KCNAB2: variants seen among roughly 807,000 people sequenced by gnomAD.
KCNAB2 encodes the protein potassium voltage-gated channel subfamily A regulatory beta subunit 2, also known as voltage-gated potassium channel subunit beta-2.
In KCNAB2, 29 loss-of-function variants were observed where a neutral mutation model predicts 63.6. The ratio of observed to expected loss-of-function variants is 0.46; its 90% confidence interval spans 0.34 to 0.62. The LOEUF (loss-of-function observed/expected upper bound fraction) is 0.62. KCNAB2 is among the 20% of genes least tolerant of loss of function. KCNAB2 has a pLI of 0.01. For missense variants in KCNAB2, 359 were observed against 563.9 expected (o/e 0.64, Z 3.68); for synonymous variants, 222 against 224.2 (o/e 0.99, Z 0.09).
At chr1:6,094,261 A>AG (rs1226480502) in intron 10 of KCNAB2, 139 bp from the exon 11 acceptor site, 1 of 622,718 alleles carries the variant, frequency 1.6e-6, no homozygotes, top group African/African-American at 1.8e-5. Context: ...CTTCAGAGCC[A>AG]GGAAGTACAC....
intron 2 of KCNAB2, among the ~76,000 whole-genome samples, chr1:6,052,795 C>G (rs1408925903): frequency 6.6e-6 from 1 of 151,576 alleles, no homozygotes; most frequent in Non-Finnish European, 1.5e-5. Flanking sequence ...TTCAGATAAA[C>G]GCGTAACTTT....
At chr1:6,052,709 T>G (rs1303799682) in intron 2 of KCNAB2, among the ~76,000 whole-genome samples, 1 of 152,208 alleles carries the variant, frequency 6.6e-6, no homozygotes, top group Non-Finnish European at 1.5e-5. Flanking sequence ...CTCAGGAACA[T>G]GCCCTTGTGA....
intron 1 of KCNAB2, among the ~76,000 whole-genome samples, chr1:6,014,247 A>T (rs527763670): frequency 6.6e-6 from 1 of 152,156 alleles, no homozygotes; most frequent in South Asian, 2.1e-4. Context: ...CACTTCCTGG[A>T]TGTCCCTGGA....
At chr1:6,091,226 C>T in intron 9 of KCNAB2, 37 bp from the exon 10 acceptor site, 1 of 1,477,748 alleles carries the variant, frequency 6.8e-7, no homozygotes, top group Non-Finnish European at 9.1e-7. Flanking sequence ...TCCCAGCTAT[C>T]AACTCTGGTC....
At chr1:6,082,744 G>C (rs1331987239) in intron 5 of KCNAB2, among the ~76,000 whole-genome samples, 1 of 152,174 alleles carries the variant, frequency 6.6e-6, no homozygotes, top group African/African-American at 2.4e-5. Context: ...CTTCAGCCAG[G>C]CTGTTGGCTT....
intron 9 of KCNAB2, 94 bp from the exon 10 acceptor site, chr1:6,091,169 A>AT: frequency 2.3e-6 from 2 of 880,004 alleles, no homozygotes; most frequent in Non-Finnish European, 3.6e-6. Context: ...CTGCACGGTG[A>AT]TTTGTGCCTC....
At chr1:6,055,353 C>CTTTTT (rs543532983) in intron 2 of KCNAB2, among the ~76,000 whole-genome samples, 4 of 109,742 alleles carry the variant, frequency 3.6e-5, no homozygotes, top group African/African-American at 6.8e-5. Flanking sequence ...AAGACAAACG[C>CTTTTT]TTTTTTTTTT....
At chr1:6,000,206 C>A (rs1657172439) in intron 1 of KCNAB2, among the ~76,000 whole-genome samples, 1 of 152,160 alleles carries the variant, frequency 6.6e-6, no homozygotes, top group Admixed American at 6.6e-5. Flanking sequence ...ATTGCCTTTC[C>A]ATGGAAATGA....
At chr1:6,095,728 C>A in intron 13 of KCNAB2, 104 bp downstream of exon 13, 1 of 1,083,452 alleles carries the variant, frequency 9.2e-7, no homozygotes, top group Non-Finnish European at 1.4e-6. Flanking sequence ...GTTCCGGGAG[C>A]TGCAGCTGTT....
chr1:6,053,527 G>A (rs1269998471), intron 2 of KCNAB2, among the ~76,000 whole-genome samples: 1 of 152,196 alleles, frequency 6.6e-6, no homozygotes, highest in Non-Finnish European at 1.5e-5. Flanking sequence ...ATCTGAAGAT[G>A]TGGAGAACAT....
At chr1:6,030,089 C>G (rs570525109), upstream of KCNAB2, among the ~76,000 whole-genome samples, 13 of 152,352 alleles carry the variant, frequency 8.5e-5, no homozygotes, top group South Asian at 6.2e-4. Context: ...ACTTATAATT[C>G]AATGTTTATA....
chr1:6,055,245 G>C (rs111750475), intron 2 of KCNAB2, among the ~76,000 whole-genome samples: 8 of 152,144 alleles, frequency 5.3e-5, no homozygotes, highest in African/African-American at 1.9e-4. Flanking sequence ...CTGAAGCCCC[G>C]AGGAAAATGC....
chr1:6,052,105 C>A (rs1196360120), intron 2 of KCNAB2, among the ~76,000 whole-genome samples: 2 of 151,230 alleles, frequency 1.3e-5, no homozygotes, highest in Non-Finnish European at 2.9e-5. Context: ...ACTGTCTCAA[C>A]AACAACAACA....
At position 6,051,698 on chromosome 1, in the gene KCNAB2, C is replaced by T. The variant is rs781715334; in HGVS notation, c.162C>T (p.Arg54=). 1.4e-5 allele frequency: 22 copies of T among 1,533,700 alleles called. No individual in the cohort carries two copies. The highest frequency in any genetic ancestry group is 3.6e-5 in the South Asian group (3 of 83,976). ...CCAGGAACATGGAGAGCTTCCTCCGCATGCACGGCCTTTCCCTGGACGGCT... is the reference window on the plus strand; with the variant it reads ...CCAGGAACATGGAGAGCTTCCTCCGTATGCACGGCCTTTCCCTGGACGGCT... ...AQARNMESFL[R]MHGLSLDGCT... The change falls in exon 2 of 16, where the codon CGC becomes CGT. Residue 54 remains arginine (R), a synonymous_variant. Coordinates refer to ENST00000378083, the MANE Select transcript of KCNAB2 (RefSeq NM_001199862.2).
chr1:6,010,873 C>A (rs770270301), intron 1 of KCNAB2, among the ~76,000 whole-genome samples: 1 of 152,216 alleles, frequency 6.6e-6, no homozygotes, highest in Non-Finnish European at 1.5e-5. Context: ...ATCGTGGAAG[C>A]GGCGAATGAG....
chr1:6,041,558 G>A (rs558307381), upstream of KCNAB2: 10 of 499,312 alleles, frequency 2.0e-5, no homozygotes, highest in Admixed American at 1.0e-4. Flanking sequence ...GGTTCACCAC[G>A]GAAAACAGGG....
upstream of KCNAB2, among the ~76,000 whole-genome samples, chr1:6,043,759 C>A (rs544280362): frequency 3.3e-5 from 5 of 152,370 alleles, no homozygotes; most frequent in East Asian, 9.6e-4. Flanking sequence ...AAGGCATGTG[C>A]CCTGCCCCCA....
Position 6,020,559 on chromosome 1 carries a change from C to T in KCNAB2, c.-52-19958C>T, listed in dbSNP as rs557280007. ...ACCCTCCTGGACTCGGGTTATGGAC[C>T]GCCACAGGCCACCCCAGCTGGAAGA... On this transcript the variant is annotated intron_variant, in intron 1 of 16. Transcript: ENST00000341524. 3.6e-4 allele frequency among the ~76,000 whole-genome samples: 55 copies of T among 152,266 alleles called. 1 individual carries two copies. Among genetic ancestry groups the T allele is most frequent in the Admixed American group, 9.8e-4 (15 of 15,298 alleles).
intron 2 of KCNAB2, among the ~76,000 whole-genome samples, chr1:6,061,918 A>G (rs2100594993): frequency 6.6e-6 from 1 of 152,310 alleles, no homozygotes; most frequent in Middle Eastern, 3.4e-3. Context: ...TGGTAAAAAT[A>G]AAATACCAAA....
Sources: gnomAD v4.1 joint callset for allele counts (sites outside exome capture counted in the v4.1 genomes callset) on GRCh38, gnomAD v4.1.1 for gene constraint, MANE v1.5 for transcripts, NCBI Gene and HGNC (gene_info 2026-07-23, HGNC 2026-07-21) for gene names.